The following SLC8A1 variants were observed in gnomAD, a reference collection of about 807,000 sequenced individuals.
SLC8A1 encodes solute carrier family 8 member A1, also known as sodium/calcium exchanger 1.
Under a neutral mutation model 68.3 loss-of-function variants are expected in SLC8A1, and 18 were observed. The ratio of observed to expected loss-of-function variants is 0.26; its 90% confidence interval spans 0.18 to 0.39. The LOEUF (loss-of-function observed/expected upper bound fraction) is 0.39, where lower values mean the gene tolerates loss of function less well. SLC8A1 is among the 10% of genes least tolerant of loss of function. The probability of loss-of-function intolerance (pLI) is 1.00; values close to 1 mark genes in which losing one functional copy is unlikely to be tolerated. For synonymous variants in SLC8A1, 475 were observed against 415.5 expected (o/e 1.14, Z -1.74); for missense variants, 985 against 1,156.7 (o/e 0.85, Z 2.15).
At chr2:40,443,420 G>C (rs1355417541) in intron 1 of SLC8A1, among the ~76,000 whole-genome samples, 1 of 152,146 alleles carries the variant, frequency 6.6e-6, no homozygotes, top group Non-Finnish European at 1.5e-5. Context: ...AAGACATTCT[G>C]CAGGAAACCA....
chr2:40,157,230 C>T (rs1287362948), intron 6 of SLC8A1, among the ~76,000 whole-genome samples: 6 of 152,058 alleles, frequency 3.9e-5, no homozygotes, highest in Non-Finnish European at 7.4e-5. Context: ...GTACAGATGG[C>T]CTTTGTGAAA....
At chr2:40,245,288 G>A (rs202025695) in intron 2 of SLC8A1, among the ~76,000 whole-genome samples, 29 of 115,070 alleles carry the variant, frequency 2.5e-4, no homozygotes, top group African/African-American at 1.1e-3. Context: ...AGCCTATACC[G>A]GATCTCTCTG....
At chr2:40,327,957 G>GAAA (rs5830622) in intron 2 of SLC8A1, among the ~76,000 whole-genome samples, 1 of 149,846 alleles carries the variant, frequency 6.7e-6, no homozygotes, top group African/African-American at 2.4e-5. Flanking sequence ...AAATAAAACT[G>GAAA]AAAAAAAAAT....
rs1260993115 is a variant in SLC8A1 at position 40,115,184 on chromosome 2, C to T, written c.*69G>A. On this transcript the variant is annotated 3_prime_UTR_variant, in exon 8 of 8. Transcript: ENST00000406785. The stretch of plus-strand genomic sequence containing the variant: ...TGAACATGACAAATGTCAGTTTCCT[C>T]TGTCCATTATACATAATTTTTATGT... The T allele has an allele frequency of 4.5e-6, 5 of 1,100,682 alleles. No individual in the cohort carries two copies. The East Asian group carries it at 1.5e-4, about 32-fold the overall frequency. The allele number at this position is 1,100,682 out of a possible 1,614,324, so 68.2% of individuals were successfully genotyped here.
At chr2:40,340,749 A>G (rs993374541) in intron 2 of SLC8A1, among the ~76,000 whole-genome samples, 6 of 152,154 alleles carry the variant, frequency 3.9e-5, no homozygotes, top group Non-Finnish European at 8.8e-5. Flanking sequence ...GTTTCTTGCT[A>G]AATTGAAAGC....
chr2:40,131,755 A>G (rs1337350293), intron 7 of SLC8A1, among the ~76,000 whole-genome samples: 1 of 151,908 alleles, frequency 6.6e-6, no homozygotes, highest in Non-Finnish European at 1.5e-5. Context: ...GTAGCTGTGT[A>G]TCACAGCTGT....
chr2:40,142,994 G>A (rs2041866287), intron 6 of SLC8A1, among the ~76,000 whole-genome samples: 2 of 151,994 alleles, frequency 1.3e-5, no homozygotes, highest in Admixed American at 6.6e-5. Context: ...GAGAACGTGT[G>A]TTCTTTCTGT....
chr2:40,340,174 C>T (rs1203801698), intron 2 of SLC8A1, among the ~76,000 whole-genome samples: 1 of 152,150 alleles, frequency 6.6e-6, no homozygotes, highest in African/African-American at 2.4e-5. Flanking sequence ...GTTTGTGATT[C>T]TGATCACCAT....
intron 7 of SLC8A1, among the ~76,000 whole-genome samples, chr2:40,138,747 T>C (rs549192481): frequency 1.3e-5 from 2 of 152,208 alleles, no homozygotes; most frequent in African/African-American, 2.4e-5. Context: ...TTTGGGAAGA[T>C]GATGTCTTAC....
chr2:40,180,307 T>C (rs559860669), intron 2 of SLC8A1, among the ~76,000 whole-genome samples: 2 of 152,282 alleles, frequency 1.3e-5, no homozygotes, highest in African/African-American at 2.4e-5. Context: ...AATTATAAAA[T>C]ATTAGAGAAG....
exon 8 of SLC8A1, chr2:40,107,509 G>A (rs10189541): frequency 1.3e-5 from 2 of 151,982 alleles, no homozygotes; most frequent in South Asian, 4.1e-4. Flanking sequence ...TTTTCTGTCA[G>A]AAATGCCTGC....
At chr2:40,199,269 C>A (rs1158406120) in intron 2 of SLC8A1, among the ~76,000 whole-genome samples, 8 of 151,830 alleles carry the variant, frequency 5.3e-5, no homozygotes, top group Non-Finnish European at 1.2e-4. Context: ...GAAATGGACA[C>A]TGCTCACCTT....
chr2:40,380,385 T>G (rs1406572174), intron 2 of SLC8A1, among the ~76,000 whole-genome samples: 1 of 152,282 alleles, frequency 6.6e-6, no homozygotes, highest in East Asian at 1.9e-4. Context: ...GGCATTAATG[T>G]GCAATGGATG....
At chr2:40,304,648 C>T (rs1437465953) in intron 2 of SLC8A1, among the ~76,000 whole-genome samples, 1 of 152,156 alleles carries the variant, frequency 6.6e-6, no homozygotes, top group Non-Finnish European at 1.5e-5. Context: ...TGCCTAGAGT[C>T]TCGTCGTGCC....
chr2:40,427,921 G>T (rs1417937795), intron 2 of SLC8A1, among the ~76,000 whole-genome samples: 1 of 152,116 alleles, frequency 6.6e-6, no homozygotes, highest in Non-Finnish European at 1.5e-5. Context: ...TCATAATTTA[G>T]CATTGGCATT....
chr2:40,358,276 CA>C (rs375073331), intron 2 of SLC8A1, among the ~76,000 whole-genome samples: 25,293 of 135,004 alleles, frequency 0.19, 3,843 homozygotes, highest in African/African-American at 0.43. Flanking sequence ...CAGATTAAGA[CA>C]AAAAAAAAAA....
intron 1 of SLC8A1, among the ~76,000 whole-genome samples, chr2:40,440,238 T>C (rs1039067819): frequency 3.9e-5 from 6 of 152,168 alleles, no homozygotes; most frequent in East Asian, 1.9e-4. Context: ...TTAGTAACTA[T>C]GCTGACACTG....
At chr2:40,239,020 TC>T (rs2060839584) in intron 2 of SLC8A1, among the ~76,000 whole-genome samples, 1 of 151,000 alleles carries the variant, frequency 6.6e-6, no homozygotes, top group African/African-American at 2.4e-5. Flanking sequence ...GCAGTATAGT[TC>T]CCCAAATGAA....
intron 2 of SLC8A1, among the ~76,000 whole-genome samples, chr2:40,182,526 A>G (rs188883358): frequency 7.0e-4 from 106 of 152,330 alleles, no homozygotes; most frequent in African/African-American, 2.5e-3. Context: ...AGAAAGATCA[A>G]TTTATTCAGT....
Sources: gnomAD v4.1 joint callset for allele counts (sites outside exome capture counted in the v4.1 genomes callset) on GRCh38, gnomAD v4.1.1 for gene constraint, MANE v1.5 for transcripts, NCBI Gene and HGNC (gene_info 2026-07-23, HGNC 2026-07-21) for gene names.